The following MGAT4C variants were observed in gnomAD, a reference collection of about 807,000 sequenced individuals.
MGAT4C encodes alpha-1,3-mannosyl-glycoprotein 4-beta-N-acetylglucosaminyltransferase C.
Under a neutral mutation model 40.1 loss-of-function variants are expected in MGAT4C, and 19 were observed. The ratio of observed to expected loss-of-function variants is 0.47; its 90% CI spans 0.33 to 0.70. The LOEUF (loss-of-function observed/expected upper bound fraction) is 0.70. Among genes scored for constraint, MGAT4C ranks in the 30% least tolerant of loss-of-function variants. The pLI is 0.02. For missense variants in MGAT4C, 491 were observed against 563.2 expected, an observed-to-expected ratio of 0.87 and a Z score of 1.30; for synonymous variants, 181 against 187.1, an observed-to-expected ratio of 0.97 and a Z score of 0.27.
chr12:86,425,648 C>A (rs140184818), intron 3 of MGAT4C, among the ~76,000 whole-genome samples: 6 of 152,320 alleles, frequency 3.9e-5, no homozygotes, highest in African/African-American at 1.4e-4. Flanking sequence ...TGTTAAGTTG[C>A]AGATGGTATT....
At chr12:86,776,086 G>A (rs1264026563) in intron 1 of MGAT4C, among the ~76,000 whole-genome samples, 1 of 151,764 alleles carries the variant, frequency 6.6e-6, no homozygotes, top group African/African-American at 2.4e-5. Flanking sequence ...TGAGAATTTG[G>A]GACTAATAAT....
chr12:86,617,499 T>C (rs987245994), intron 2 of MGAT4C, among the ~76,000 whole-genome samples: 1 of 152,044 alleles, frequency 6.6e-6, no homozygotes, highest in Non-Finnish European at 1.5e-5. Context: ...CCATCCTGGC[T>C]AACACGGTGA....
intron 2 of MGAT4C, among the ~76,000 whole-genome samples, chr12:86,457,947 A>G (rs1320604745): frequency 6.6e-6 from 1 of 152,110 alleles, no homozygotes; most frequent in Non-Finnish European, 1.5e-5. Flanking sequence ...ATACTTTTAA[A>G]GACAATTTTT....
At chr12:86,401,863 T>A (rs1956370291) in intron 3 of MGAT4C, among the ~76,000 whole-genome samples, 1 of 152,084 alleles carries the variant, frequency 6.6e-6, no homozygotes, top group Non-Finnish European at 1.5e-5. Context: ...AAAATAAGGC[T>A]AAAAATGAAC....
At chr12:85,991,570 CT>C (rs1885945908) in intron 2 of MGAT4C, among the ~76,000 whole-genome samples, 3 of 152,184 alleles carry the variant, frequency 2.0e-5, no homozygotes, top group Non-Finnish European at 2.9e-5. Context: ...CCTCAGCCCC[CT>C]CCTTGGTTAT....
At chr12:86,775,860 T>TATAA (rs1555228054) in intron 1 of MGAT4C, among the ~76,000 whole-genome samples, 1 of 150,262 alleles carries the variant, frequency 6.7e-6, no homozygotes, top group African/African-American at 2.5e-5. Flanking sequence ...TATATATATA[T>TATAA]AATATATTTG....
In MGAT4C at chr12:86,745,623, C is replaced by T. The variant is rs111515232; in HGVS notation, c.-261-18382G>A. Among the ~76,000 whole-genome samples, 490 of 151,712 alleles carry T rather than the reference C, an allele frequency of 3.2e-3. 2 individuals are homozygous for T. Among genetic ancestry groups the T allele is most frequent in the African/African-American group, 0.011 (474 of 41,466 alleles). On this transcript the variant is annotated intron_variant, in intron 1 of 7. Transcript: ENST00000548651. ...TTGGCCTAGAAAACCAAATTTTTAG[C>T]ATGATTTGTATCTGTTGAATGCTTA...
rs144840039 is a variant in MGAT4C, at chr12:86,198,101, A to G, written c.-57+58138T>C. ...ACTTCATTTTAAATCATGCATATTCAGAACACTGGCTAATGGAATAAAGTT... is the reference window on the plus strand; with the variant it reads ...ACTTCATTTTAAATCATGCATATTCGGAACACTGGCTAATGGAATAAAGTT... On this transcript the variant is annotated intron_variant, in intron 1 of 4. Transcript: ENST00000611864. Among the ~76,000 whole-genome samples the G allele has an allele frequency of 1.8e-3, 272 of 152,330 alleles. 1 individual carries two copies. Among genetic ancestry groups the G allele is most frequent in the African/African-American group, 6.3e-3 (262 of 41,580 alleles).
At chr12:86,708,825 G>A (rs1950508869) in intron 2 of MGAT4C, among the ~76,000 whole-genome samples, 1 of 152,204 alleles carries the variant, frequency 6.6e-6, no homozygotes, top group Admixed American at 6.5e-5. Context: ...TAGAATGGCT[G>A]TGTTTCCCCA....
At chr12:86,614,789 G>A (rs549724535) in intron 2 of MGAT4C, among the ~76,000 whole-genome samples, 1 of 152,032 alleles carries the variant, frequency 6.6e-6, no homozygotes, top group Admixed American at 6.5e-5. Flanking sequence ...TGGAGTTTAT[G>A]AAGTTCCTCA....
intron 2 of MGAT4C, among the ~76,000 whole-genome samples, chr12:86,035,412 C>T (rs1345527088): frequency 6.7e-6 from 1 of 150,032 alleles, no homozygotes; most frequent in Non-Finnish European, 1.5e-5. Context: ...CCTTCACGCA[C>T]TTTTTGATGG....
intron 3 of MGAT4C, among the ~76,000 whole-genome samples, chr12:86,406,939 G>A (rs1956485889): frequency 6.6e-6 from 1 of 152,024 alleles, no homozygotes; most frequent in Non-Finnish European, 1.5e-5. Flanking sequence ...AGATCCATAG[G>A]TTGTGGGCTC....
intron 1 of MGAT4C, among the ~76,000 whole-genome samples, chr12:86,735,059 G>C (rs1316108702): frequency 6.6e-6 from 1 of 151,894 alleles, no homozygotes; most frequent in African/African-American, 2.4e-5. Context: ...CTTGAGTTTG[G>C]TTCTCTACAT....
chr12:86,375,375 C>CA (rs772908838), intron 3 of MGAT4C, among the ~76,000 whole-genome samples: 10 of 151,864 alleles, frequency 6.6e-5, no homozygotes, highest in Non-Finnish European at 1.2e-4. Flanking sequence ...CAGATCATCT[C>CA]AAAAATATAA....
chr12:86,495,661 GT>G (rs1958223123), intron 2 of MGAT4C, among the ~76,000 whole-genome samples: 1 of 152,036 alleles, frequency 6.6e-6, no homozygotes, highest in Admixed American at 6.6e-5. Flanking sequence ...GGAAGTTCTT[GT>G]GGGGATGGTG....
At chr12:86,324,600 C>T (rs1454983538) in intron 4 of MGAT4C, among the ~76,000 whole-genome samples, 1 of 151,780 alleles carries the variant, frequency 6.6e-6, no homozygotes, top group Non-Finnish European at 1.5e-5. Context: ...ATATAAATAA[C>T]ATTAATTGTA....
intron 2 of MGAT4C, among the ~76,000 whole-genome samples, chr12:86,685,899 G>A (rs529385965): frequency 6.9e-6 from 1 of 145,534 alleles, no homozygotes; most frequent in Non-Finnish European, 1.5e-5. Context: ...GTCTTGCTCT[G>A]TTGCCCAGGC....
intron 3 of MGAT4C, among the ~76,000 whole-genome samples, chr12:86,374,524 G>T (rs1437458776): frequency 6.6e-6 from 1 of 151,968 alleles, no homozygotes; most frequent in Non-Finnish European, 1.5e-5. Flanking sequence ...ACTTACTATG[G>T]CAATCAATAT....
intron 1 of MGAT4C, among the ~76,000 whole-genome samples, chr12:86,185,333 T>C (rs1462433589): frequency 1.3e-5 from 2 of 152,166 alleles, no homozygotes; most frequent in South Asian, 2.1e-4. Flanking sequence ...ATAATATATA[T>C]GGTATACACA....
Sources: gnomAD v4.1 joint callset for allele counts (sites outside exome capture counted in the v4.1 genomes callset) on GRCh38, gnomAD v4.1.1 for gene constraint, MANE v1.5 for transcripts, NCBI Gene and HGNC (gene_info 2026-07-23, HGNC 2026-07-21) for gene names.